Variants in HIVEP3 observed in about 807,000 individuals in gnomAD.
The protein encoded by HIVEP3 is HIVEP zinc finger 3, also known as transcription factor HIVEP3.
In HIVEP3, 49 loss-of-function variants were observed where a neutral mutation model predicts 152.8. The observed-to-expected ratio is 0.32, with a 90% CI of 0.26 to 0.41. The LOEUF (loss-of-function observed/expected upper bound fraction) is 0.41. Among genes scored for constraint, HIVEP3 ranks in the 10% least tolerant of loss-of-function variants. HIVEP3 has a pLI of 1.00. For missense variants in HIVEP3, 2,790 were observed against 3,103.3 expected, an observed-to-expected ratio of 0.90 and a Z score of 2.40; for synonymous variants, 1,269 against 1,289.0, an observed-to-expected ratio of 0.98 and a Z score of 0.33.
At chr1:41,783,650 A>C (rs1232863909) in intron 1 of HIVEP3, among the ~76,000 whole-genome samples, 5 of 152,140 alleles carry the variant, frequency 3.3e-5, no homozygotes, top group Non-Finnish European at 7.4e-5. Flanking sequence ...CTTTCCCTCA[A>C]ACTTTCTGAG....
chr1:42,017,755 A>G (rs1645532083), intron 1 of HIVEP3, among the ~76,000 whole-genome samples: 1 of 152,150 alleles, frequency 6.6e-6, no homozygotes, highest in African/African-American at 2.4e-5. Context: ...GCAAATATAT[A>G]TACTACATTT....
intron 1 of HIVEP3, among the ~76,000 whole-genome samples, chr1:41,777,784 C>G (rs1373127561): frequency 1.3e-5 from 2 of 152,220 alleles, no homozygotes; most frequent in Non-Finnish European, 2.9e-5. Context: ...TCCTACATCC[C>G]ACGTGTGTCA....
intron 1 of HIVEP3, among the ~76,000 whole-genome samples, chr1:41,898,031 C>T (rs1644562468): frequency 6.6e-6 from 1 of 150,636 alleles, no homozygotes; most frequent in South Asian, 2.1e-4. Flanking sequence ...AGACCAGAGC[C>T]TCAGAGCCTG....
chr1:41,643,374 G>A (rs1452998933), intron 2 of HIVEP3, among the ~76,000 whole-genome samples: 2 of 152,240 alleles, frequency 1.3e-5, no homozygotes, highest in Non-Finnish European at 2.9e-5. Context: ...CTCGCAGACA[G>A]GGAGTGCCTT....
At chr1:41,944,740 C>T (rs1645065550) in intron 1 of HIVEP3, among the ~76,000 whole-genome samples, 1 of 152,170 alleles carries the variant, frequency 6.6e-6, no homozygotes, top group Admixed American at 6.5e-5. Context: ...GGTGGTGATG[C>T]ACCCTGGAAA....
intron 1 of HIVEP3, among the ~76,000 whole-genome samples, chr1:41,863,961 G>C (rs893364639): frequency 3.3e-5 from 5 of 152,226 alleles, no homozygotes; most frequent in Non-Finnish European, 5.9e-5. Context: ...TTCTGAATGG[G>C]ATTAGCCATC....
intron 5 of HIVEP3, among the ~76,000 whole-genome samples, chr1:41,544,718 CT>C (rs1643635341): frequency 7.2e-6 from 1 of 138,186 alleles, no homozygotes. Context: ...CCACTACCAC[CT>C]GTACCACCAC....
chr1:41,590,693 T>G (rs1389313591), intron 3 of HIVEP3, among the ~76,000 whole-genome samples: 1 of 152,180 alleles, frequency 6.6e-6, no homozygotes, highest in East Asian at 1.9e-4. Context: ...TGTTGGTGTC[T>G]GGGAGGCTGA....
At chr1:41,854,719 C>T (rs1205865278) in intron 1 of HIVEP3, among the ~76,000 whole-genome samples, 1 of 84,964 alleles carries the variant, frequency 1.2e-5, no homozygotes, top group Non-Finnish European at 2.3e-5. Context: ...ATTCCCCTTC[C>T]TGTGTCCACG....
At chr1:41,636,916 G>A (rs967991658) in intron 2 of HIVEP3, among the ~76,000 whole-genome samples, 4 of 141,644 alleles carry the variant, frequency 2.8e-5, no homozygotes, top group Non-Finnish European at 5.9e-5. Flanking sequence ...CCGAGATTGT[G>A]CCATTGCACT....
chr1:41,665,705 T>TACACACACACACACACACACACAC (rs1489493920), intron 2 of HIVEP3, among the ~76,000 whole-genome samples: 1 of 21,844 alleles, frequency 4.6e-5, no homozygotes, highest in Non-Finnish European at 7.2e-5. Context: ...ACGGAAATGT[T>TACACACACACACACACACACACAC]ATACACACAC....
At chr1:41,986,591 C>A (rs1217980789) in intron 1 of HIVEP3, among the ~76,000 whole-genome samples, 1 of 152,210 alleles carries the variant, frequency 6.6e-6, no homozygotes, top group South Asian at 2.1e-4. Context: ...CAGGCGCCCG[C>A]CACCACGCCC....
intron 1 of HIVEP3, among the ~76,000 whole-genome samples, chr1:41,786,687 C>T (rs239340): frequency 0.6 from 91,838 of 151,942 alleles, 28,861 homozygotes; most frequent in African/African-American, 0.79. Flanking sequence ...GAAAGCTTGC[C>T]GACCCCTGTT....
At position 41,557,836 on chromosome 1, in the gene HIVEP3, T is replaced by C. The variant is rs138297911; in HGVS notation, c.5207+17708A>G. ...TTCAACGGTGACCCCAGGGTTTGGC[T>C]TTGCCACTGGGGAGAGATTCACAGC... On this transcript the variant is annotated intron_variant, in intron 5 of 8. Transcript: ENST00000372583. Among the ~76,000 whole-genome samples, 125 of 152,288 alleles carry C rather than the reference T, an allele frequency of 8.2e-4. 1 individual carries two copies. The highest frequency in any genetic ancestry group is 2.5e-3 in the African/African-American group (105 of 41,550).
intron 1 of HIVEP3, among the ~76,000 whole-genome samples, chr1:41,965,954 GA>G (rs1032666705): frequency 6.6e-6 from 1 of 152,010 alleles, no homozygotes; most frequent in African/African-American, 2.4e-5. Flanking sequence ...CGAAATAAAG[GA>G]AAAAATGTTA....
At chr1:41,993,462 A>G (rs1645375620) in intron 1 of HIVEP3, among the ~76,000 whole-genome samples, 1 of 151,378 alleles carries the variant, frequency 6.6e-6, no homozygotes, top group Non-Finnish European at 1.5e-5. Context: ...ACCATCTCAC[A>G]CCAGTTAGAA....
At chr1:41,638,965 TG>T (rs558006412) in intron 2 of HIVEP3, among the ~76,000 whole-genome samples, 4 of 152,326 alleles carry the variant, frequency 2.6e-5, no homozygotes, top group Admixed American at 1.3e-4. Flanking sequence ...CCTCACACAC[TG>T]ATCCTAAAGA....
At chr1:41,929,896 TC>T (rs1644988283) in intron 1 of HIVEP3, among the ~76,000 whole-genome samples, 1 of 151,852 alleles carries the variant, frequency 6.6e-6, no homozygotes, top group African/African-American at 2.4e-5. Flanking sequence ...GCTTATCTGT[TC>T]ATTCCTAGTA....
intron 1 of HIVEP3, among the ~76,000 whole-genome samples, chr1:41,728,300 A>G (rs1392668051): frequency 6.6e-6 from 1 of 152,120 alleles, no homozygotes; most frequent in African/African-American, 2.4e-5. Flanking sequence ...ATGAGACCAC[A>G]CTCAATCCAA....
Sources: gnomAD v4.1 joint callset for allele counts (sites outside exome capture counted in the v4.1 genomes callset) on GRCh38, gnomAD v4.1.1 for gene constraint, MANE v1.5 for transcripts, NCBI Gene and HGNC (gene_info 2026-07-23, HGNC 2026-07-21) for gene names.